The following SEMA3A variants were observed in gnomAD, a reference collection of about 807,000 sequenced individuals.
SEMA3A encodes the protein semaphorin-3A.
A neutral mutation model predicts 97.9 loss-of-function variants in SEMA3A; 29 were observed. The ratio of observed to expected loss-of-function variants is 0.30; its 90% CI spans 0.22 to 0.40. SEMA3A has a LOEUF of 0.40. Ranked by LOEUF, SEMA3A falls within the 10% of genes least tolerant of loss-of-function variation. The pLI, the probability that SEMA3A is intolerant of heterozygous loss-of-function variation, is 1.00. For synonymous variants in SEMA3A, 321 were observed against 323.7 expected, an observed-to-expected ratio of 0.99 and a Z score of 0.09; for missense variants, 763 against 951.3, an observed-to-expected ratio of 0.80 and a Z score of 2.60.
At chr7:84,151,674 C>CA (rs1235085329) in intron 1 of SEMA3A, among the ~76,000 whole-genome samples, 1 of 152,086 alleles carries the variant, frequency 6.6e-6, no homozygotes, top group Non-Finnish European at 1.5e-5. Context: ...CTGCAGGCAA[C>CA]AAAAGACAAA....
chr7:84,192,532 A>G (rs2116272506), intron 1 of SEMA3A, among the ~76,000 whole-genome samples: 1 of 152,084 alleles, frequency 6.6e-6, no homozygotes, highest in East Asian at 1.9e-4. Flanking sequence ...TATAAAGACA[A>G]TATCAAATAT....
intron 1 of SEMA3A, among the ~76,000 whole-genome samples, chr7:84,418,436 C>G (rs1398841899): frequency 6.6e-6 from 1 of 152,038 alleles, no homozygotes; most frequent in East Asian, 1.9e-4. Flanking sequence ...CCACCAGGTC[C>G]CACCCACAAC....
intron 1 of SEMA3A, among the ~76,000 whole-genome samples, chr7:84,189,693 C>T (rs1797982306): frequency 6.6e-6 from 1 of 151,490 alleles, no homozygotes; most frequent in Non-Finnish European, 1.5e-5. Flanking sequence ...ATAATAGCCT[C>T]CATAACAACA....
chr7:83,998,221 G>A (rs999007948), intron 12 of SEMA3A, among the ~76,000 whole-genome samples: 4 of 152,042 alleles, frequency 2.6e-5, no homozygotes, highest in African/African-American at 9.7e-5. Flanking sequence ...GTCATTGTGC[G>A]AAAAATCATA....
At chr7:84,132,584 A>T (rs2116034187) in intron 2 of SEMA3A, among the ~76,000 whole-genome samples, 1 of 151,734 alleles carries the variant, frequency 6.6e-6, no homozygotes, top group African/African-American at 2.4e-5. Flanking sequence ...AAAATGATAA[A>T]TTATTATAAA....
At chr7:83,986,707 CT>C (rs1173051183) in intron 12 of SEMA3A, among the ~76,000 whole-genome samples, 1 of 152,064 alleles carries the variant, frequency 6.6e-6, no homozygotes, top group African/African-American at 2.4e-5. Flanking sequence ...ACCGAAGCTA[CT>C]AAATTAAGTG....
chr7:84,289,417 G>A (rs1052353013), intron 3 of SEMA3A, among the ~76,000 whole-genome samples: 2 of 152,090 alleles, frequency 1.3e-5, no homozygotes, highest in East Asian at 3.9e-4. Context: ...TGATGAATAT[G>A]CCAATTATCT....
intron 1 of SEMA3A, chr7:84,489,046 G>T (rs1160814582): frequency 6.6e-6 from 1 of 152,154 alleles, no homozygotes; most frequent in East Asian, 1.9e-4. Flanking sequence ...GCTATGAAGA[G>T]ATACTGGAGA....
chr7:84,181,022 G>C (rs145332399), intron 1 of SEMA3A, among the ~76,000 whole-genome samples: 65 of 152,092 alleles, frequency 4.3e-4, no homozygotes, highest in African/African-American at 1.6e-3. Flanking sequence ...CAATACACTT[G>C]ATTTCAGTCT....
chr7:84,318,925 T>C (rs1313277463), intron 2 of SEMA3A, among the ~76,000 whole-genome samples: 1 of 152,212 alleles, frequency 6.6e-6, no homozygotes, highest in African/African-American at 2.4e-5. Flanking sequence ...ACTTATTGTC[T>C]CCTAATATAC....
At chr7:84,196,335 GCGCT>G (rs550056360), upstream of SEMA3A, among the ~76,000 whole-genome samples, 594 of 149,486 alleles carry the variant, frequency 4.0e-3, 4 homozygotes, top group African/African-American at 0.014. Flanking sequence ...AGAAAGCACA[GCGCT>G]CGCTCGCTCT....
rs1420488972 is a variant in SEMA3A at position 84,099,231 on chromosome 7, C to T, written c.453+11239G>A. 1.8e-5 allele frequency among the ~76,000 whole-genome samples: 2 copies of T among 112,986 alleles called. 1 individual carries two copies. Among genetic ancestry groups the T allele is most frequent in the Admixed American group, 2.1e-4 (2 of 9,588 alleles). The allele number at this position is 112,986 out of a possible 152,430, so 74.1% of individuals were successfully genotyped here. A position where few individuals can be genotyped will look rare whatever the true frequency, so the allele number is the denominator to read the frequency against. On this transcript the variant is annotated intron_variant, in intron 4 of 16. Coordinates refer to ENST00000265362, the MANE Select transcript of SEMA3A (RefSeq NM_006080.3). ...GACTACAGGCGCCCGCTACCACGCC[C>T]GGCTAATTTTTTGTATTTTTAGTAG...
intron 1 of SEMA3A, among the ~76,000 whole-genome samples, chr7:84,490,021 T>C (rs951084429): frequency 2.6e-5 from 4 of 151,844 alleles, no homozygotes; most frequent in Non-Finnish European, 5.9e-5. Context: ...AAAACATGTA[T>C]AGATAAAGCC....
intron 6 of SEMA3A, among the ~76,000 whole-genome samples, chr7:84,031,793 G>A (rs1158060693): frequency 2.0e-5 from 3 of 151,948 alleles, no homozygotes; most frequent in Non-Finnish European, 2.9e-5. Flanking sequence ...CCGAGATTGC[G>A]CCATTGCACT....
At chr7:84,268,362 G>A (rs1800063709) in intron 3 of SEMA3A, among the ~76,000 whole-genome samples, 1 of 151,456 alleles carries the variant, frequency 6.6e-6, no homozygotes, top group Non-Finnish European at 1.5e-5. Context: ...GGTAGGATGA[G>A]GCTAGTTGTG....
At chr7:84,091,163 G>GAAAA (rs1554324891) in intron 4 of SEMA3A, among the ~76,000 whole-genome samples, 1 of 25,624 alleles carries the variant, frequency 3.9e-5, no homozygotes, top group Admixed American at 6.4e-4. Flanking sequence ...AAGGAAGGAA[G>GAAAA]GAAGGAAAGA....
chr7:84,405,217 A>G (rs1804043637), intron 1 of SEMA3A, among the ~76,000 whole-genome samples: 1 of 152,194 alleles, frequency 6.6e-6, no homozygotes. Flanking sequence ...AAGGAAATGG[A>G]AAACAAAAAA....
At chr7:84,278,697 T>A (rs1270908003) in intron 3 of SEMA3A, among the ~76,000 whole-genome samples, 1 of 151,998 alleles carries the variant, frequency 6.6e-6, no homozygotes, top group Non-Finnish European at 1.5e-5. Context: ...AAAATGAGAA[T>A]GTTGAGGAGG....
At chr7:84,214,949 C>A (rs372881265) in intron 3 of SEMA3A, among the ~76,000 whole-genome samples, 1 of 150,734 alleles carries the variant, frequency 6.6e-6, no homozygotes, top group Admixed American at 6.6e-5. Flanking sequence ...GATCCGCCCC[C>A]CCTTGGCCTC....
Sources: allele counts gnomAD v4.1 joint callset (sites outside exome capture counted in the v4.1 genomes callset), GRCh38; gene constraint gnomAD v4.1.1; transcripts MANE v1.5; gene names NCBI Gene and HGNC (gene_info 2026-07-23, HGNC 2026-07-21).